ATAD2: variants seen among roughly 807,000 people sequenced by gnomAD.
ATAD2 encodes ATPase family AAA domain containing 2, also known as ATPase family AAA domain-containing protein 2.
A neutral mutation model predicts 168.9 loss-of-function variants in ATAD2; 62 were observed. That is an observed-to-expected ratio of 0.37 (90% CI 0.30 to 0.45). ATAD2 has a LOEUF of 0.45. Ranked by LOEUF, ATAD2 falls within the 20% of genes least tolerant of loss-of-function variation. The pLI is 1.00. For synonymous variants in ATAD2, 613 were observed against 571.6 expected, an observed-to-expected ratio of 1.07 and a Z score of -1.03; for missense variants, 1,419 against 1,667.8, an observed-to-expected ratio of 0.85 and a Z score of 2.60.
chr8:123,356,361 C>T (rs759689155), intron 13 of ATAD2, 28 bp downstream of exon 13: 18 of 1,556,996 alleles, frequency 1.2e-5, no homozygotes, highest in South Asian at 9.0e-5. Context: ...TAGGAAGAAA[C>T]GTTGAAGTGC....
chr8:123,362,399 T>A (rs1255817203), intron 8 of ATAD2, among the ~76,000 whole-genome samples: 1 of 151,844 alleles, frequency 6.6e-6, no homozygotes, highest in Non-Finnish European at 1.5e-5. Flanking sequence ...TCACCTACTT[T>A]AAAAAATCAA....
Position 123,320,211 on chromosome 8 carries a change from T to C in ATAD2, c.*923A>G, listed in dbSNP as rs185528108. 1.3e-3 allele frequency: 203 copies of C among 152,210 alleles called. No homozygotes were observed. Among genetic ancestry groups the C allele is most frequent in the African/African-American group, 4.7e-3 (194 of 41,556 alleles). The allele number at this position is 152,210 out of a possible 1,614,324, so 9.4% of individuals were successfully genotyped here. A position where few individuals can be genotyped will look rare whatever the true frequency, so the allele number is the denominator to read the frequency against. On this transcript the variant is annotated 3_prime_UTR_variant, in exon 28 of 28. Transcript: ENST00000287394. The stretch of plus-strand genomic sequence containing the variant: ...CTCAAAAGGTTTCCAACAGAAGCTA[T>C]TTCACAAACTGATTATTAGAATGTC...
Position 123,359,343 on chromosome 8 carries a change from A to G in ATAD2, c.1267-7T>C. Reference sequence around the variant, plus strand: ...CAACACTATCAAATCGTACCTGGTAATGGAAGCGAACATGTACATTTTTAG... The same window carrying G: ...CAACACTATCAAATCGTACCTGGTAGTGGAAGCGAACATGTACATTTTTAG... On this transcript the variant is annotated splice_polypyrimidine_tract_variant and splice_region_variant and intron_variant, in intron 10 of 27. Coordinates refer to ENST00000287394, the MANE Select transcript of ATAD2 (RefSeq NM_014109.4). 1 of 1,574,372 alleles carries G rather than the reference A, an allele frequency of 6.4e-7. No homozygotes were observed. The highest frequency in any genetic ancestry group is 8.7e-7 in the Non-Finnish European group (1 of 1,152,230).
rs1211878862 is a variant in ATAD2, at chr8:123,402,767, C to T, written c.-2281-1592G>A. Among the ~76,000 whole-genome samples, 5 of 151,984 alleles carry T rather than the reference C, an allele frequency of 3.3e-5. No individual in the cohort carries two copies. The highest frequency in any genetic ancestry group is 1.9e-4 in the East Asian group (1 of 5,196). On this transcript the variant is annotated intron_variant, in intron 1 of 28. Coordinates refer to the ATAD2 transcript ENST00000521903. The surrounding 1 kb of genome is among the most constrained non-coding windows in gnomAD (Gnocchi z 4.8). Reference sequence around the variant, plus strand: ...TTTGCACACTTTGGGATCATAGTTGCGTCATTGTGTATTAAATAATCAGAA... The same window carrying T: ...TTTGCACACTTTGGGATCATAGTTGTGTCATTGTGTATTAAATAATCAGAA...
At chr8:123,356,824 T>C (rs1239020427) in intron 12 of ATAD2, among the ~76,000 whole-genome samples, 1 of 151,938 alleles carries the variant, frequency 6.6e-6, no homozygotes, top group Admixed American at 6.6e-5. Context: ...ACATAAGTTC[T>C]AGTAACGGGG....
intron 9 of ATAD2, among the ~76,000 whole-genome samples, chr8:123,360,464 C>T (rs1563849938): frequency 6.6e-6 from 1 of 152,178 alleles, no homozygotes; most frequent in South Asian, 2.1e-4. Context: ...GCCTCAGCCT[C>T]CTGAGTAGCT....
chr8:123,404,831 C>T (rs112506478), intron 1 of ATAD2, among the ~76,000 whole-genome samples: 3,786 of 152,278 alleles, frequency 0.025, 182 homozygotes, highest in African/African-American at 0.086. Flanking sequence ...TGAGCCACCG[C>T]GCCCAGCCCC....
Position 123,361,653 on chromosome 8 carries a change from T to TA in ATAD2, c.1050-8dup. 1 of 1,590,302 alleles carries TA rather than the reference T, an allele frequency of 6.3e-7. No individual in the cohort carries two copies. The highest frequency in any genetic ancestry group is 8.6e-7 in the Non-Finnish European group (1 of 1,161,116). On this transcript the variant is annotated splice_region_variant and splice_polypyrimidine_tract_variant and intron_variant, in intron 8 of 27. Coordinates refer to ENST00000287394, the MANE Select transcript of ATAD2 (RefSeq NM_014109.4). ...GTGGATTGCATGCCTTCGCCTAAAG[T>TA]AAAAAACAAAATTGAAATCATGATA... is the stretch of plus-strand genomic sequence containing the variant.
At chr8:123,331,129 C>G (rs953103802) in intron 24 of ATAD2, among the ~76,000 whole-genome samples, 1 of 151,900 alleles carries the variant, frequency 6.6e-6, no homozygotes, top group Non-Finnish European at 1.5e-5. Flanking sequence ...TTAGTAGAGA[C>G]GGGGTTTCAC....
chr8:123,341,192 A>G (rs976692534), intron 19 of ATAD2, among the ~76,000 whole-genome samples: 3 of 152,184 alleles, frequency 2.0e-5, no homozygotes, highest in Non-Finnish European at 4.4e-5. Context: ...TATTTTACCC[A>G]GTTTGCAATT....
intron 1 of ATAD2, among the ~76,000 whole-genome samples, chr8:123,410,216 G>A (rs1229122401): frequency 3.9e-5 from 6 of 152,090 alleles, no homozygotes; most frequent in Non-Finnish European, 8.8e-5. Flanking sequence ...TCAGAATCTG[G>A]TTCTAACCAT....
chr8:123,322,484 C>T lies in ATAD2; in HGVS notation c.4131+454G>A, dbSNP rs1037952686. Among the ~76,000 whole-genome samples the T allele has an allele frequency of 2.6e-5, 4 of 151,970 alleles. No individual in the cohort carries two copies. The East Asian group carries it at 7.7e-4, about 29-fold the overall frequency. On this transcript the variant is annotated intron_variant, in intron 27 of 27. Transcript: ENST00000287394. ...AGGAGCTCAAGATCGGCGTGGGCAA[C>T]ATAGTGAAACCTCATCTCTACAAAA...
chr8:123,361,060 T>C (rs941207080), intron 9 of ATAD2, among the ~76,000 whole-genome samples: 4 of 152,062 alleles, frequency 2.6e-5, no homozygotes, highest in African/African-American at 9.7e-5. Flanking sequence ...CTCACAGCTG[T>C]AATTCCATAG....
Position 123,380,601 on chromosome 8 carries a change from T to C in ATAD2, c.248A>G (p.Asn83Ser). 6.2e-7 allele frequency: 1 copy of C among 1,614,108 alleles called. No homozygotes were observed. Among genetic ancestry groups the C allele is most frequent in the Non-Finnish European group, 8.5e-7 (1 of 1,179,994 alleles). Residue 83 changes from asparagine (N) to serine (S), a missense_variant, in exon 2 of 28, where the codon AAT becomes AGT. Physicochemically the swap from Asn to Ser is conservative, Grantham distance 46 (BLOSUM62 1). Transcript: ENST00000287394. ...CTTCTCAAAACTAGAATCTGAAGAA[T>C]TCTGTGCATCTTTTCTCAAAGATCT... Reference protein sequence around the residue: ...ALRSLRKDAQNSSDSSFEKNV... With the variant: ...ALRSLRKDAQSSSDSSFEKNV...
At chr8:123,382,972 A>G (rs1253704084) in intron 1 of ATAD2, among the ~76,000 whole-genome samples, 5 of 152,226 alleles carry the variant, frequency 3.3e-5, no homozygotes, top group African/African-American at 1.2e-4. Flanking sequence ...TAGACTGGAT[A>G]AAGAAAATGT....
chr8:123,373,803 A>G (rs1829226359), intron 2 of ATAD2, among the ~76,000 whole-genome samples: 2 of 151,916 alleles, frequency 1.3e-5, no homozygotes, highest in Non-Finnish European at 2.9e-5. Context: ...AAAAAAAAAA[A>G]AAAAAAAATC....
rs769746490 is a variant in ATAD2, at chr8:123,346,591, A to G, written c.2345+27T>C. On this transcript the variant is annotated intron_variant, in intron 17 of 27. Transcript: ENST00000287394. ...TTTTTAGAAAATTTACACATGCAAA[A>G]AACATTGATTTGCAAGAAAAATATA... 4 of 1,504,746 alleles carry G rather than the reference A, an allele frequency of 2.7e-6. 1 individual carries two copies. In the South Asian group the frequency reaches 3.9e-5, roughly 15 times the overall value. The allele number at this position is 1,504,746 out of a possible 1,614,324, so 93.2% of individuals were successfully genotyped here.
chr8:123,395,701 T>G (rs1263909423), intron 1 of ATAD2, among the ~76,000 whole-genome samples: 1 of 152,184 alleles, frequency 6.6e-6, no homozygotes, highest in Admixed American at 6.5e-5. Flanking sequence ...ATTACGGAAC[T>G]CCTCTGGATC....
At chr8:123,363,217 C>T (rs67373931) in intron 8 of ATAD2, among the ~76,000 whole-genome samples, 23,492 of 152,162 alleles carry the variant, frequency 0.15, 2,282 homozygotes, top group Non-Finnish European at 0.22. Flanking sequence ...CAAAAAAACT[C>T]GGAAGTTATT....
Sources: allele counts gnomAD v4.1 joint callset (sites outside exome capture counted in the v4.1 genomes callset), GRCh38; gene constraint gnomAD v4.1.1; non-coding constraint Gnocchi (gnomAD v3.1); transcripts MANE v1.5; gene names NCBI Gene and HGNC (gene_info 2026-07-23, HGNC 2026-07-21).